The following ALMS1 variants were observed in gnomAD, a reference collection of about 807,000 sequenced individuals.
ALMS1 encodes the protein ALMS1 centrosome and basal body associated protein.
ALMS1 carries 271 observed loss-of-function variants against 352.2 expected under a neutral mutation model. The observed-to-expected ratio is 0.77, with a 90% CI of 0.70 to 0.85. ALMS1 has a LOEUF of 0.85. ALMS1 is among the 40% of genes least tolerant of loss of function. The pLI, the probability that ALMS1 is intolerant of heterozygous loss-of-function variation, is 0.00. For missense variants in ALMS1, 5,445 were observed against 4,870.7 expected, an observed-to-expected ratio of 1.12 and a Z score of -3.51; for synonymous variants, 1,865 against 1,761.2, an observed-to-expected ratio of 1.06 and a Z score of -1.48.
intron 13 of ALMS1, 73 bp from the exon 14 acceptor site, chr2:73,557,146 TG>T: frequency 1.3e-6 from 2 of 1,597,968 alleles, no homozygotes; most frequent in Non-Finnish European, 1.7e-6. Flanking sequence ...TGTTTGTAAT[TG>T]TGGGGGAGGA....
chr2:73,565,514 C>T (rs531546339), intron 15 of ALMS1, among the ~76,000 whole-genome samples: 67 of 152,176 alleles, frequency 4.4e-4, no homozygotes, highest in Non-Finnish European at 5.0e-4. Flanking sequence ...GATATTCCAC[C>T]ATCAGGGAGG....
At chr2:73,607,037 G>A (rs1342375942) in intron 21 of ALMS1, among the ~76,000 whole-genome samples, 2 of 152,058 alleles carry the variant, frequency 1.3e-5, no homozygotes, top group Non-Finnish European at 2.9e-5. Context: ...AAAACTTTAG[G>A]AAATATAGAG....
rs773625695 is a variant in ALMS1 at position 73,453,188 on chromosome 2, G to T, written c.6661G>T (p.Val2221Leu). The T allele has an allele frequency of 6.8e-6, 11 of 1,614,016 alleles. No individual in the cohort carries two copies. The South Asian group carries it at 1.2e-4, about 18-fold the overall frequency. The change falls in exon 8 of 23, where the codon GTG becomes TTG. Residue 2221 changes from valine (V) to leucine (L), a missense_variant. Coordinates refer to ENST00000613296, the MANE Select transcript of ALMS1 (RefSeq NM_001378454.1). ...SSDSSVSSNN[V>L]LLNSQADDRV... Reference sequence around the variant, plus strand: ...TGACTCCAGTGTTAGCTCAAATAATGTGCTTTTAAATTCTCAGGCTGATGA... The same window carrying T: ...TGACTCCAGTGTTAGCTCAAATAATTTGCTTTTAAATTCTCAGGCTGATGA...
intron 19 of ALMS1, 22 bp downstream of exon 19, chr2:73,601,458 T>G: frequency 6.2e-7 from 1 of 1,612,790 alleles, no homozygotes; most frequent in Non-Finnish European, 8.5e-7. Flanking sequence ...TTGACTTAAC[T>G]TTAATGCTAC....
chr2:73,482,130 G>A (rs1672722165), intron 9 of ALMS1, among the ~76,000 whole-genome samples: 1 of 152,220 alleles, frequency 6.6e-6, no homozygotes, highest in Admixed American at 6.5e-5. Flanking sequence ...TAGGAGTGGT[G>A]AGAGAGGGCA....
intron 13 of ALMS1, among the ~76,000 whole-genome samples, chr2:73,551,425 C>CTTTTTTTT (rs372741747): frequency 9.5e-5 from 7 of 73,700 alleles, no homozygotes; most frequent in Non-Finnish European, 1.3e-4. Context: ...GAGTTTCAAT[C>CTTTTTTTT]TTTTTTTTTT....
At chr2:73,584,913 A>G (rs1238668157) in intron 16 of ALMS1, among the ~76,000 whole-genome samples, 1 of 152,134 alleles carries the variant, frequency 6.6e-6, no homozygotes, top group Admixed American at 6.5e-5. Flanking sequence ...TACCTCACTT[A>G]GAAGAATGGT....
At chr2:73,609,351 A>C (rs1675891087) in intron 22 of ALMS1, among the ~76,000 whole-genome samples, 1 of 152,238 alleles carries the variant, frequency 6.6e-6, no homozygotes, top group Non-Finnish European at 1.5e-5. Flanking sequence ...CTGTGTCTCT[A>C]TAGAAATAAT....
intron 9 of ALMS1, among the ~76,000 whole-genome samples, chr2:73,461,920 A>G (rs534668109): frequency 4.0e-4 from 61 of 152,244 alleles, no homozygotes; most frequent in African/African-American, 1.4e-3. Flanking sequence ...GAATAAAAAG[A>G]AACGAACAAA....
chr2:73,487,142 G>T (rs943806544), intron 9 of ALMS1, among the ~76,000 whole-genome samples: 14 of 152,210 alleles, frequency 9.2e-5, no homozygotes, highest in African/African-American at 3.4e-4. Context: ...AGCACCTTCT[G>T]CCTGAGTATT....
chr2:73,573,754 GT>G (rs57792928), intron 16 of ALMS1, among the ~76,000 whole-genome samples: 73,445 of 147,274 alleles, frequency 0.5, 20,859 homozygotes, highest in African/African-American at 0.8. Context: ...GTTTATTTGG[GT>G]TTTTTTTTTT....
chr2:73,448,664 T>C lies in ALMS1; in HGVS notation c.2137T>C (p.Ser713Pro), dbSNP rs1248095655. 5.6e-6 allele frequency: 9 copies of C among 1,613,912 alleles called. No homozygotes were observed. The highest frequency in any genetic ancestry group is 1.6e-4 in the Middle Eastern group (1 of 6,062). ...DQKTGTATVL[S>P]TPHSHREKPG... is the part of the protein sequence containing the mutation. ...GAAGACTGGGACAGCAACAGTACTC[T>C]CTACTCCCCACTCACATAGAGAGAA... The change falls in exon 8 of 23, where the codon TCT (serine) becomes CCT (proline). Residue 713 changes from serine (S) to proline (P), a missense_variant. Physicochemically the swap from Ser to Pro is moderately conservative, Grantham distance 74 (BLOSUM62 -1). Coordinates refer to ENST00000613296, the MANE Select transcript of ALMS1 (RefSeq NM_001378454.1).
At chr2:73,467,346 G>C (rs1672377925) in intron 9 of ALMS1, among the ~76,000 whole-genome samples, 1 of 152,084 alleles carries the variant, frequency 6.6e-6, no homozygotes, top group Non-Finnish European at 1.5e-5. Flanking sequence ...CAAGTGGACA[G>C]TAAGCATTTG....
intron 10 of ALMS1, among the ~76,000 whole-genome samples, chr2:73,499,849 A>G (rs1673184710): frequency 6.6e-6 from 1 of 152,076 alleles, no homozygotes. Context: ...TGGTTGTTTA[A>G]AAAAGAATGA....
chr2:73,600,576 G>A, intron 17 of ALMS1, 102 bp from the exon 18 acceptor site: 2 of 1,087,616 alleles, frequency 1.8e-6, no homozygotes, highest in South Asian at 1.7e-5. Context: ...CAAAGGGATT[G>A]TATTTTTGAA....
intron 11 of ALMS1, among the ~76,000 whole-genome samples, chr2:73,528,901 T>C (rs1367970411): frequency 6.6e-6 from 1 of 152,098 alleles, no homozygotes; most frequent in Non-Finnish European, 1.5e-5. Context: ...ATGCATTCTT[T>C]AGTGTGTCAG....
chr2:73,589,633 A>T (rs1675383498), intron 16 of ALMS1, among the ~76,000 whole-genome samples: 1 of 152,168 alleles, frequency 6.6e-6, no homozygotes, highest in South Asian at 2.1e-4. Flanking sequence ...ATGTTGGCTA[A>T]GTTTTGTATT....
chr2:73,412,669 G>A (rs1426587458), intron 2 of ALMS1, among the ~76,000 whole-genome samples: 1 of 152,138 alleles, frequency 6.6e-6, no homozygotes, highest in Admixed American at 6.5e-5. Flanking sequence ...GGTGGCACAT[G>A]TCTGTAATCC....
chr2:73,550,279 C>T lies in ALMS1; in HGVS notation c.9920C>T (p.Ala3307Val). The T allele has an allele frequency of 6.2e-7, 1 of 1,613,984 alleles. No homozygotes were observed. Among genetic ancestry groups the T allele is most frequent in the Non-Finnish European group, 8.5e-7 (1 of 1,179,924 alleles). Residue 3307 changes from alanine (A) to valine (V), a missense_variant, in exon 13 of 23, where the codon GCC becomes GTC. Ala to Val is a moderately conservative substitution (Grantham distance 64). Transcript: ENST00000613296. ...VESSHSGSND[A>V]IAPDFPAQVL... Reference sequence around the variant, plus strand: ...CGTTTTTCTGTAGGATCCAATGATGCCATTGCTCCAGACTTCCCAGCTCAG... The same window carrying T: ...CGTTTTTCTGTAGGATCCAATGATGTCATTGCTCCAGACTTCCCAGCTCAG...
Sources: gnomAD v4.1 joint callset for allele counts (sites outside exome capture counted in the v4.1 genomes callset) on GRCh38, gnomAD v4.1.1 for gene constraint, MANE v1.5 for transcripts, NCBI Gene and HGNC (gene_info 2026-07-23, HGNC 2026-07-21) for gene names.